GRIK2: variants seen among roughly 807,000 people sequenced by gnomAD.
GRIK2 encodes glutamate receptor ionotropic, kainate 2.
A neutral mutation model predicts 100.3 loss-of-function variants in GRIK2; 32 were observed. The observed-to-expected ratio is 0.32, with a 90% CI of 0.24 to 0.43. The LOEUF is 0.43. GRIK2 is among the 20% of genes least tolerant of loss of function. GRIK2 has a pLI of 1.00. For missense variants in GRIK2, 843 were observed against 1,114.9 expected (o/e 0.76, Z 3.47); for synonymous variants, 417 against 389.4 (o/e 1.07, Z -0.83).
chr6:101,862,625 A>G (rs73496609), intron 11 of GRIK2, among the ~76,000 whole-genome samples: 11,453 of 151,760 alleles, frequency 0.075, 1,132 homozygotes, highest in African/African-American at 0.23. Flanking sequence ...TGGTCTTGCT[A>G]TGTTGCTCAT....
chr6:101,432,638 A>G (rs758034310), intron 2 of GRIK2, among the ~76,000 whole-genome samples: 8 of 152,136 alleles, frequency 5.3e-5, no homozygotes, highest in Non-Finnish European at 1.2e-4. Flanking sequence ...TCTTTTTGGG[A>G]AGAAAAATTC....
chr6:101,602,298 G>T (rs9377284), intron 2 of GRIK2, among the ~76,000 whole-genome samples: 18,041 of 151,094 alleles, frequency 0.12, 1,265 homozygotes, highest in East Asian at 0.26. Context: ...AGTATGGTTG[G>T]CATAATTCCA....
intron 9 of GRIK2, among the ~76,000 whole-genome samples, chr6:101,808,861 C>T (rs940002994): frequency 8.6e-5 from 13 of 151,568 alleles, no homozygotes; most frequent in African/African-American, 2.9e-4. Flanking sequence ...AATGTGTTTG[C>T]CCCAGCGTAG....
intron 2 of GRIK2, among the ~76,000 whole-genome samples, chr6:101,577,271 A>G (rs1441302673): frequency 6.6e-6 from 1 of 152,110 alleles, no homozygotes; most frequent in Admixed American, 6.6e-5. Context: ...AATTTTAATT[A>G]AAGTGACTTT....
chr6:101,998,667 T>C lies in GRIK2; in HGVS notation c.2086-36674T>C, dbSNP rs548384515. 3.9e-5 allele frequency among the ~76,000 whole-genome samples: 6 copies of C among 152,224 alleles called. No homozygotes were observed. The East Asian group carries it at 1.2e-3, about 29-fold the overall frequency. ...TTTTTGTACACGATAAAGGTATAGATGAAAGTTTTTGCTTAATTTTCCTTA... is the reference window on the plus strand; with the variant it reads ...TTTTTGTACACGATAAAGGTATAGACGAAAGTTTTTGCTTAATTTTCCTTA... On this transcript the variant is annotated intron_variant, in intron 14 of 16. Coordinates refer to ENST00000369134, the MANE Select transcript of GRIK2 (RefSeq NM_021956.5).
intron 2 of GRIK2, among the ~76,000 whole-genome samples, chr6:101,617,047 C>G (rs992527627): frequency 1.3e-5 from 2 of 151,452 alleles, no homozygotes; most frequent in African/African-American, 4.8e-5. Flanking sequence ...ATATTTGATG[C>G]ATAGATGTTT....
chr6:101,423,460 T>A (rs1423171103), intron 2 of GRIK2, among the ~76,000 whole-genome samples: 1 of 152,154 alleles, frequency 6.6e-6, no homozygotes, highest in African/African-American at 2.4e-5. Flanking sequence ...CAGCACTTGT[T>A]TTTTTATGTA....
chr6:101,639,677 T>C (rs1781193912), intron 4 of GRIK2, among the ~76,000 whole-genome samples: 1 of 152,186 alleles, frequency 6.6e-6, no homozygotes, highest in South Asian at 2.1e-4. Flanking sequence ...CAACATTCTA[T>C]AAACTTTACT....
intron 15 of GRIK2, among the ~76,000 whole-genome samples, chr6:102,052,159 T>C (rs1049442523): frequency 1.3e-5 from 2 of 152,216 alleles, no homozygotes; most frequent in African/African-American, 4.8e-5. Context: ...TCAGCTGGCA[T>C]ATTTGTAGAA....
In GRIK2 at chr6:101,893,195, C is replaced by T. The variant is rs569563914; in HGVS notation, c.1748+3332C>T. ...ATGTCATATAGAGGTCACTGATATA[C>T]TCATTGACATAATTGTTGATATCAT... On this transcript the variant is annotated intron_variant, in intron 12 of 16. Coordinates refer to ENST00000369134, the MANE Select transcript of GRIK2 (RefSeq NM_021956.5). Among the ~76,000 whole-genome samples the T allele has an allele frequency of 1.3e-4, 19 of 151,232 alleles. No homozygotes were observed. The South Asian group carries it at 3.4e-3, about 27-fold the overall frequency.
intron 7 of GRIK2, among the ~76,000 whole-genome samples, chr6:101,722,957 G>A (rs1422193355): frequency 6.6e-6 from 1 of 151,878 alleles, no homozygotes; most frequent in Non-Finnish European, 1.5e-5. Context: ...TTCTTATCAG[G>A]GATACATCTG....
At chr6:101,419,737 A>G (rs571290809) in intron 2 of GRIK2, among the ~76,000 whole-genome samples, 2 of 152,326 alleles carry the variant, frequency 1.3e-5, no homozygotes, top group South Asian at 4.1e-4. Context: ...AGGAATTTGA[A>G]GTTGCTTTAG....
chr6:101,719,791 A>C (rs1201890535), intron 7 of GRIK2, among the ~76,000 whole-genome samples: 9 of 151,988 alleles, frequency 5.9e-5, no homozygotes, highest in Admixed American at 5.9e-4. Flanking sequence ...TAAAATCTGA[A>C]AACAGATGAT....
intron 2 of GRIK2, among the ~76,000 whole-genome samples, chr6:101,470,410 C>G (rs1771883350): frequency 6.6e-6 from 1 of 152,150 alleles, no homozygotes; most frequent in African/African-American, 2.4e-5. Flanking sequence ...TATGACATCT[C>G]TTTCCAATTT....
chr6:101,619,454 A>C (rs1221861957), intron 2 of GRIK2, among the ~76,000 whole-genome samples: 1 of 151,970 alleles, frequency 6.6e-6, no homozygotes, highest in Non-Finnish European at 1.5e-5. Context: ...TTGATAAAGA[A>C]TAAGAAAGTT....
intron 2 of GRIK2, among the ~76,000 whole-genome samples, chr6:101,587,389 C>T (rs374954955): frequency 2.0e-5 from 3 of 151,714 alleles, no homozygotes; most frequent in Admixed American, 6.6e-5. Flanking sequence ...TCTGTCTGTC[C>T]GTCTGTCTGT....
intron 15 of GRIK2, among the ~76,000 whole-genome samples, chr6:102,051,266 TTCC>T (rs1771176107): frequency 7.4e-6 from 1 of 135,494 alleles, no homozygotes; most frequent in Non-Finnish European, 1.6e-5. Context: ...CCTTCCTTCC[TTCC>T]TTCCTTCCTT....
intron 14 of GRIK2, among the ~76,000 whole-genome samples, chr6:102,033,399 A>C (rs576798509): frequency 1.3e-5 from 2 of 151,488 alleles, no homozygotes; most frequent in South Asian, 4.1e-4. Context: ...TCCTCTCCAG[A>C]GAATAAAACC....
intron 9 of GRIK2, among the ~76,000 whole-genome samples, chr6:101,804,624 A>T (rs1190388102): frequency 6.6e-6 from 1 of 151,998 alleles, no homozygotes; most frequent in Admixed American, 6.6e-5. Context: ...GGATAAAAGC[A>T]TAACTCAAAT....
Sources: allele counts gnomAD v4.1 joint callset (sites outside exome capture counted in the v4.1 genomes callset), GRCh38; gene constraint gnomAD v4.1.1; transcripts MANE v1.5; gene names NCBI Gene and HGNC (gene_info 2026-07-23, HGNC 2026-07-21).